IMMP2L: variants seen among roughly 807,000 people sequenced by gnomAD.
IMMP2L encodes the protein mitochondrial inner membrane protease subunit 2.
Under a neutral mutation model 19.3 loss-of-function variants are expected in IMMP2L, and 18 were observed. The observed-to-expected ratio is 0.93, with a 90% CI of 0.64 to 1.38. The LOEUF is 1.38. Ranked by LOEUF, IMMP2L falls within the 40% of genes most tolerant of loss-of-function variation. The pLI is 0.00. For synonymous variants in IMMP2L, 76 were observed against 73.0 expected (o/e 1.04, Z -0.21); for missense variants, 233 against 218.2 (o/e 1.07, Z -0.43).
chr7:111,467,164 C>T (rs1840754588), intron 3 of IMMP2L, among the ~76,000 whole-genome samples: 1 of 152,138 alleles, frequency 6.6e-6, no homozygotes, highest in Non-Finnish European at 1.5e-5. Flanking sequence ...TGTAAATCCT[C>T]ACCCCAGCAC....
At chr7:111,104,360 C>T (rs1208595309) in intron 3 of IMMP2L, among the ~76,000 whole-genome samples, 1 of 151,728 alleles carries the variant, frequency 6.6e-6, no homozygotes, top group East Asian at 1.9e-4. Context: ...GAAACAATTT[C>T]TTTTGTTATC....
At chr7:111,360,884 A>T (rs1563101276) in intron 3 of IMMP2L, among the ~76,000 whole-genome samples, 1 of 152,088 alleles carries the variant, frequency 6.6e-6, no homozygotes, top group Admixed American at 6.6e-5. Flanking sequence ...TTGTTTTGAA[A>T]TATATAGTTA....
chr7:111,171,435 A>G (rs1265361578), intron 3 of IMMP2L, among the ~76,000 whole-genome samples: 3 of 151,598 alleles, frequency 2.0e-5, no homozygotes, highest in Admixed American at 6.6e-5. Context: ...CTATTTAAAT[A>G]TTTACTCTAA....
intron 3 of IMMP2L, among the ~76,000 whole-genome samples, chr7:111,026,991 T>C (rs1201038168): frequency 1.3e-5 from 2 of 152,156 alleles, no homozygotes; most frequent in Admixed American, 1.3e-4. Flanking sequence ...TTTATCTCTC[T>C]GGATAATCCA....
intron 3 of IMMP2L, among the ~76,000 whole-genome samples, chr7:111,092,985 A>C (rs1008717804): frequency 6.6e-6 from 1 of 152,202 alleles, no homozygotes. Context: ...TTTGTAATAT[A>C]AGCCAAAGCA....
intron 3 of IMMP2L, among the ~76,000 whole-genome samples, chr7:111,036,723 T>G (rs1215049197): frequency 6.6e-6 from 1 of 152,166 alleles, no homozygotes; most frequent in Admixed American, 6.5e-5. Context: ...AGCTGTTGAA[T>G]TCTATCATAT....
chr7:111,508,728 C>T (rs1845165629), intron 2 of IMMP2L, among the ~76,000 whole-genome samples: 1 of 152,086 alleles, frequency 6.6e-6, no homozygotes, highest in Non-Finnish European at 1.5e-5. Context: ...GAGTAGAAAA[C>T]CAATTAGGAA....
At chr7:111,128,334 T>C (rs1194668751) in intron 3 of IMMP2L, among the ~76,000 whole-genome samples, 1 of 152,216 alleles carries the variant, frequency 6.6e-6, no homozygotes, top group Non-Finnish European at 1.5e-5. Flanking sequence ...ACTGTGTAAT[T>C]TGGTAAAGTC....
intron 1 of IMMP2L, 114 bp from the exon 2 acceptor site, chr7:111,521,563 T>C: frequency 1.2e-6 from 1 of 806,692 alleles, no homozygotes; most frequent in East Asian, 2.6e-5. Context: ...TGTCTCTTAA[T>C]ATATTACACA....
At chr7:110,885,928 T>C (rs982569185) in intron 5 of IMMP2L, among the ~76,000 whole-genome samples, 6 of 152,116 alleles carry the variant, frequency 3.9e-5, no homozygotes, top group African/African-American at 1.4e-4. Context: ...TATCTTCCTT[T>C]AGCCTCACCA....
At chr7:110,871,251 C>G (rs1292344548) in intron 5 of IMMP2L, among the ~76,000 whole-genome samples, 2 of 152,080 alleles carry the variant, frequency 1.3e-5, no homozygotes, top group Non-Finnish European at 2.9e-5. Flanking sequence ...GTTTCTTGAA[C>G]ATCCAAGTGT....
intron 5 of IMMP2L, among the ~76,000 whole-genome samples, chr7:110,675,002 G>A (rs2130378484): frequency 6.6e-6 from 1 of 152,244 alleles, no homozygotes; most frequent in South Asian, 2.1e-4. Flanking sequence ...CCTGACCAAG[G>A]AATCAAGGCC....
chr7:111,381,305 T>C (rs1262023714), intron 3 of IMMP2L, among the ~76,000 whole-genome samples: 1 of 151,860 alleles, frequency 6.6e-6, no homozygotes, highest in African/African-American at 2.4e-5. Flanking sequence ...AAGCAGAGAC[T>C]GGATGAGATT....
At chr7:111,410,853 T>C (rs1834344766) in intron 3 of IMMP2L, among the ~76,000 whole-genome samples, 1 of 151,334 alleles carries the variant, frequency 6.6e-6, no homozygotes, top group South Asian at 2.1e-4. Flanking sequence ...AAACAAAGTA[T>C]GAAGGAAGAA....
At chr7:110,834,359 A>AGT (rs59237816) in intron 5 of IMMP2L, among the ~76,000 whole-genome samples, 62,751 of 150,014 alleles carry the variant, frequency 0.42, 13,215 homozygotes, top group African/African-American at 0.49. Flanking sequence ...CAAAGTTAAG[A>AGT]GTGTGTGTGT....
At chr7:110,953,172 TC>T (rs1282352014) in intron 4 of IMMP2L, among the ~76,000 whole-genome samples, 3 of 152,156 alleles carry the variant, frequency 2.0e-5, no homozygotes, top group African/African-American at 4.8e-5. Flanking sequence ...ATTTTTCTAA[TC>T]TTTTTTTATA....
intron 3 of IMMP2L, among the ~76,000 whole-genome samples, chr7:111,182,501 G>A (rs1486289395): frequency 6.6e-6 from 1 of 151,630 alleles, no homozygotes; most frequent in Non-Finnish European, 1.5e-5. Context: ...CTCAGCTTGG[G>A]GTCAAGATAG....
chr7:111,316,910 C>T (rs998121775), intron 3 of IMMP2L, among the ~76,000 whole-genome samples: 5 of 125,100 alleles, frequency 4.0e-5, no homozygotes, highest in African/African-American at 9.4e-5. Context: ...AGTGCAGTGG[C>T]GAGATCTCGG....
rs557476612 is a variant in IMMP2L, at chr7:110,976,600, T to C, written c.240-13035A>G. Among the ~76,000 whole-genome samples the C allele has an allele frequency of 3.9e-5, 6 of 152,198 alleles. No individual in the cohort carries two copies. In the East Asian group the frequency reaches 9.6e-4, roughly 24 times the overall value. On this transcript the variant is annotated intron_variant, in intron 3 of 5. Transcript: ENST00000405709. ...ATATTTATACAAACATGAAAATAAA[T>C]GTGTCTATAGTCCTCAGATCTTAGT...
Sources: gnomAD v4.1 joint callset for allele counts (sites outside exome capture counted in the v4.1 genomes callset) on GRCh38, gnomAD v4.1.1 for gene constraint, MANE v1.5 for transcripts, NCBI Gene and HGNC (gene_info 2026-07-23, HGNC 2026-07-21) for gene names.